The following TRPM7 variants were observed in gnomAD, a reference collection of about 807,000 sequenced individuals.
TRPM7 encodes transient receptor potential cation channel subfamily M member 7, also known as LTRPC ion channel family member 7.
TRPM7 carries 134 observed loss-of-function variants against 229.7 expected under a neutral mutation model. That is an observed-to-expected ratio of 0.58 (90% CI 0.51 to 0.67). TRPM7 has a LOEUF of 0.67. Among genes scored for constraint, TRPM7 ranks in the 30% least tolerant of loss-of-function variants. The pLI, the probability that TRPM7 is intolerant of heterozygous loss-of-function variation, is 0.00. For synonymous variants in TRPM7, 699 were observed against 715.2 expected (o/e 0.98, Z 0.36); for missense variants, 1,901 against 2,210.0 (o/e 0.86, Z 2.80).
rs761400740 is a variant in TRPM7 at position 50,624,346 on chromosome 15, T to A, written c.1306-46A>T. Reference sequence around the variant, plus strand: ...AAATACATATTTCACATATTCTAATTATACAAACACTTTTAAATGTTAAGT... The same window carrying A: ...AAATACATATTTCACATATTCTAATAATACAAACACTTTTAAATGTTAAGT... On this transcript the variant is annotated intron_variant, in intron 11 of 38. Coordinates refer to ENST00000646667, the MANE Select transcript of TRPM7 (RefSeq NM_017672.6). 4.1e-6 allele frequency: 6 copies of A among 1,478,756 alleles called. No individual in the cohort carries two copies. The East Asian group carries it at 1.2e-4, about 29-fold the overall frequency. 91.6% of individuals were successfully genotyped at this position (1,478,756 alleles called of 1,614,324 possible).
At chr15:50,609,134 C>A (rs2140461362) in intron 19 of TRPM7, among the ~76,000 whole-genome samples, 1 of 152,268 alleles carries the variant, frequency 6.6e-6, no homozygotes, top group Middle Eastern at 3.4e-3. Context: ...AAATAAGCCA[C>A]AGATAAATAA....
chr15:50,613,885 G>C (rs1298270964), intron 14 of TRPM7, 44 bp from the exon 15 acceptor site: 1 of 1,584,274 alleles, frequency 6.3e-7, no homozygotes, highest in Non-Finnish European at 8.6e-7. Flanking sequence ...TAAACGTGCT[G>C]ACATGTTATA....
At chr15:50,635,962 G>A (rs751083472) in intron 7 of TRPM7, among the ~76,000 whole-genome samples, 90 of 151,694 alleles carry the variant, frequency 5.9e-4, no homozygotes, top group Non-Finnish European at 1.1e-3. Context: ...CAGGGCGACA[G>A]TGCGAGACTC....
chr15:50,630,889 ACAG>A (rs2060711047), intron 10 of TRPM7, among the ~76,000 whole-genome samples: 1 of 152,118 alleles, frequency 6.6e-6, no homozygotes, highest in Admixed American at 6.6e-5. Context: ...AAACTGGAAT[ACAG>A]CGGCATGATC....
At position 50,615,969 on chromosome 15, in the gene TRPM7, A is replaced by G. The variant is rs2060211864; in HGVS notation, c.1495-1706T>C. Among the ~76,000 whole-genome samples the G allele has an allele frequency of 3.3e-5, 5 of 152,150 alleles. No individual in the cohort carries two copies. In the South Asian group the frequency reaches 1.0e-3, roughly 31 times the overall value. On this transcript the variant is annotated intron_variant, in intron 13 of 38. Transcript: ENST00000646667. Reference sequence around the variant, plus strand: ...AGATAACTATATCCTTTAAATCTCTAATTTGAAAATAAATCAAAATACCTA... The same window carrying G: ...AGATAACTATATCCTTTAAATCTCTGATTTGAAAATAAATCAAAATACCTA...
At chr15:50,679,538 A>ATTTT (rs58783893) in intron 1 of TRPM7, among the ~76,000 whole-genome samples, 7 of 43,900 alleles carry the variant, frequency 1.6e-4, no homozygotes, top group African/African-American at 7.5e-4. Flanking sequence ...ATATATATAT[A>ATTTT]TTTTTTTTTT....
intron 13 of TRPM7, among the ~76,000 whole-genome samples, chr15:50,618,051 G>C (rs894001979): frequency 6.6e-6 from 1 of 152,072 alleles, no homozygotes; most frequent in Admixed American, 6.5e-5. Context: ...TAGAAACTTA[G>C]AAGATATTTT....
intron 2 of TRPM7, 55 bp from the exon 3 acceptor site, chr15:50,657,874 T>A (rs2061617246): frequency 6.9e-7 from 1 of 1,439,650 alleles, no homozygotes; most frequent in Admixed American, 1.8e-5. Flanking sequence ...TTTCTGATTT[T>A]AAAGTATATA....
intron 38 of TRPM7, among the ~76,000 whole-genome samples, chr15:50,563,849 T>C (rs978146978): frequency 1.3e-5 from 2 of 152,166 alleles, no homozygotes; most frequent in Admixed American, 6.5e-5. Context: ...GTATTTTATG[T>C]GTAGCCCAAG....
chr15:50,615,016 A>C (rs1044841174), intron 13 of TRPM7, among the ~76,000 whole-genome samples: 2 of 152,008 alleles, frequency 1.3e-5, no homozygotes, highest in Non-Finnish European at 2.9e-5. Flanking sequence ...CTAAAAAAAT[A>C]TAAAATTAGA....
chr15:50,655,921 C>G lies in TRPM7; in HGVS notation c.122+1860G>C, dbSNP rs1479803523. 3.3e-5 allele frequency among the ~76,000 whole-genome samples: 5 copies of G among 150,578 alleles called. No individual in the cohort carries two copies. The East Asian group carries it at 9.8e-4, about 30-fold the overall frequency. ...AGGAGAATCACTTGAACCTGGGAGG[C>G]AAAGGTTGCTGTGAGCTGAGATCGC... On this transcript the variant is annotated intron_variant, in intron 3 of 38. Transcript: ENST00000646667.
chr15:50,589,567 G>A (rs1194222024), intron 27 of TRPM7, 25 bp downstream of exon 27: 15 of 1,397,948 alleles, frequency 1.1e-5, no homozygotes, highest in Non-Finnish European at 1.5e-5. Context: ...TAGAACTGTG[G>A]GTGTTTTAAT....
At chr15:50,622,745 G>A (rs2060447753) in intron 12 of TRPM7, among the ~76,000 whole-genome samples, 1 of 152,152 alleles carries the variant, frequency 6.6e-6, no homozygotes, top group Admixed American at 6.5e-5. Context: ...AATTAGCTGG[G>A]CATGGTGGCA....
chr15:50,561,704 T>C lies in TRPM7; in HGVS notation c.5572A>G (p.Thr1858Ala). 6.2e-7 allele frequency: 1 copy of C among 1,610,772 alleles called. No individual in the cohort carries two copies. ...PGNSTKESES[T>A]NSVRLML ...TATAACATCAGACGAACAGAATTAGTTGATTCTGATTCTTTGGTGGAATTT... is the reference window on the plus strand; with the variant it reads ...TATAACATCAGACGAACAGAATTAGCTGATTCTGATTCTTTGGTGGAATTT... The change falls in exon 39 of 39, where the codon ACT becomes GCT. Residue 1858 changes from threonine (T) to alanine (A), a missense_variant. Thr to Ala is a moderately conservative substitution (Grantham distance 58, BLOSUM62 0). Around this residue, in one of 8 missense-constraint regions of TRPM7, gnomAD observed 257 missense variants for 352.0 expected, o/e 0.73. Transcript: ENST00000646667.
chr15:50,645,937 G>T (rs894764492), intron 4 of TRPM7, among the ~76,000 whole-genome samples: 3 of 151,896 alleles, frequency 2.0e-5, no homozygotes, highest in Admixed American at 2.0e-4. Context: ...GAGGCAGGTG[G>T]ATCACTTGAG....
At chr15:50,684,572 C>T (rs2062317349) in intron 1 of TRPM7, among the ~76,000 whole-genome samples, 1 of 151,492 alleles carries the variant, frequency 6.6e-6, no homozygotes, top group African/African-American at 2.4e-5. Context: ...ACCCAGGAGG[C>T]GGAGGCTGCA....
intron 22 of TRPM7, among the ~76,000 whole-genome samples, chr15:50,598,163 G>C (rs1316074737): frequency 2.0e-5 from 3 of 152,058 alleles, no homozygotes; most frequent in African/African-American, 7.2e-5. Context: ...CAGATATTGG[G>C]GGAGGTAAGA....
intron 4 of TRPM7, among the ~76,000 whole-genome samples, chr15:50,644,119 C>T (rs1000978720): frequency 5.3e-5 from 8 of 152,046 alleles, no homozygotes; most frequent in African/African-American, 1.9e-4. Flanking sequence ...CTGTAAATAA[C>T]TGGATTTGAT....
chr15:50,647,903 G>A (rs11636930), intron 4 of TRPM7, among the ~76,000 whole-genome samples: 84,255 of 151,990 alleles, frequency 0.55, 23,481 homozygotes, highest in Admixed American at 0.62. Context: ...TTCCTTAACA[G>A]TGCAATTTAA....
Sources: allele counts gnomAD v4.1 joint callset (sites outside exome capture counted in the v4.1 genomes callset), GRCh38; gene constraint gnomAD v4.1.1; regional missense constraint gnomAD v4.1.1; transcripts MANE v1.5; gene names NCBI Gene and HGNC (gene_info 2026-07-23, HGNC 2026-07-21).